Variants in ASIC2 observed in about 807,000 individuals in gnomAD.
ASIC2 encodes the protein acid sensing ion channel subunit 2.
In ASIC2, 25 loss-of-function variants were observed where a neutral mutation model predicts 57.3. That is an observed-to-expected ratio of 0.44 (90% confidence interval 0.32 to 0.61). The LOEUF (loss-of-function observed/expected upper bound fraction) is 0.61. Among genes scored for constraint, ASIC2 ranks in the 20% least tolerant of loss-of-function variants. ASIC2 has a pLI of 0.06. For synonymous variants in ASIC2, 319 were observed against 307.5 expected, an observed-to-expected ratio of 1.04 and a Z score of -0.39; for missense variants, 641 against 738.1, an observed-to-expected ratio of 0.87 and a Z score of 1.52.
chr17:33,932,594 T>G (rs556551195), intron 1 of ASIC2: 1 of 150,814 alleles, frequency 6.6e-6, no homozygotes, highest in Non-Finnish European at 1.5e-5. Flanking sequence ...ATGCCTGTAA[T>G]CTCACCTATT....
chr17:33,608,638 C>A (rs1481652829), intron 1 of ASIC2, among the ~76,000 whole-genome samples: 2 of 152,100 alleles, frequency 1.3e-5, no homozygotes, highest in Non-Finnish European at 2.9e-5. Context: ...ATTCTGTTTA[C>A]TCTCTGGGCA....
At position 34,048,352 on chromosome 17, in the gene ASIC2, C is replaced by T. The variant is rs115397386; in HGVS notation, c.555+107626G>A. Among the ~76,000 whole-genome samples, 1,022 of 152,324 alleles carry T rather than the reference C, an allele frequency of 6.7e-3. 19 individuals are homozygous for T. The highest frequency in any genetic ancestry group is 0.024 in the African/African-American group (980 of 41,580). ...CTTACCAACTTCTTGTACTACATTC[C>T]TCTTGGTGCTTCAGATTCCTTCATT... is the stretch of plus-strand genomic sequence containing the variant. On this transcript the variant is annotated intron_variant, in intron 1 of 9. Transcript: ENST00000359872.
chr17:33,176,160 C>T (rs568029911), intron 1 of ASIC2, among the ~76,000 whole-genome samples: 10 of 152,314 alleles, frequency 6.6e-5, no homozygotes, highest in African/African-American at 1.9e-4. Context: ...CTCTCTAACC[C>T]TTCAGGGCTG....
At chr17:33,390,896 C>T (rs1456468700) in intron 1 of ASIC2, among the ~76,000 whole-genome samples, 2 of 152,160 alleles carry the variant, frequency 1.3e-5, no homozygotes, top group Non-Finnish European at 2.9e-5. Flanking sequence ...CAAGGCTAAC[C>T]CACACTCAAG....
intron 1 of ASIC2, among the ~76,000 whole-genome samples, chr17:33,940,972 GT>G (rs1239615094): frequency 6.6e-6 from 1 of 152,228 alleles, no homozygotes; most frequent in Non-Finnish European, 1.5e-5. Flanking sequence ...AGGCTGAGGT[GT>G]TTAGATTCCA....
chr17:33,295,326 G>A (rs16968229), upstream of ASIC2, among the ~76,000 whole-genome samples: 3,555 of 152,232 alleles, frequency 0.023, 129 homozygotes, highest in African/African-American at 0.081. Context: ...AAAGACACAC[G>A]GGCAGCTAGT....
intron 1 of ASIC2, among the ~76,000 whole-genome samples, chr17:34,023,851 G>T (rs1193349020): frequency 6.6e-6 from 1 of 152,200 alleles, no homozygotes; most frequent in Non-Finnish European, 1.5e-5. Flanking sequence ...CCAAAGACAA[G>T]TTCTTTACTG....
At chr17:33,339,180 C>A (rs1355180765) in intron 1 of ASIC2, among the ~76,000 whole-genome samples, 1 of 152,078 alleles carries the variant, frequency 6.6e-6, no homozygotes, top group East Asian at 1.9e-4. Flanking sequence ...AGGGCTGGAG[C>A]ACAGGGTGTT....
At chr17:33,764,008 T>C (rs985494200) in intron 1 of ASIC2, among the ~76,000 whole-genome samples, 6 of 152,106 alleles carry the variant, frequency 3.9e-5, no homozygotes, top group African/African-American at 1.2e-4. Context: ...GAGTCTTTGA[T>C]TTCGGCCGGG....
chr17:33,698,289 C>T (rs183831260), intron 1 of ASIC2, among the ~76,000 whole-genome samples: 4 of 152,168 alleles, frequency 2.6e-5, no homozygotes, highest in East Asian at 3.9e-4. Context: ...ATGGGGTTTA[C>T]GCATCTCGGT....
intron 1 of ASIC2, among the ~76,000 whole-genome samples, chr17:33,243,723 T>A (rs985004107): frequency 5.3e-5 from 8 of 152,228 alleles, no homozygotes; most frequent in African/African-American, 1.9e-4. Context: ...GATCAAATAC[T>A]CTTCTAGGGC....
At chr17:33,523,465 C>T (rs867910033) in intron 1 of ASIC2, among the ~76,000 whole-genome samples, 4 of 152,084 alleles carry the variant, frequency 2.6e-5, no homozygotes, top group Non-Finnish European at 5.9e-5. Flanking sequence ...CACCATATTG[C>T]CCAGGCTAGT....
intron 1 of ASIC2, among the ~76,000 whole-genome samples, chr17:33,723,686 A>C (rs1408555135): frequency 6.6e-6 from 1 of 152,216 alleles, no homozygotes; most frequent in East Asian, 1.9e-4. Flanking sequence ...CAGAGATTAA[A>C]GTCAGAGTAA....
chr17:33,643,147 TCC>T (rs71144893), intron 1 of ASIC2, among the ~76,000 whole-genome samples: 5 of 149,926 alleles, frequency 3.3e-5, no homozygotes, highest in Admixed American at 1.3e-4. Context: ...CATGCTCATT[TCC>T]CCCCCCCCAC....
intron 1 of ASIC2, among the ~76,000 whole-genome samples, chr17:33,931,852 A>G (rs1915937509): frequency 6.6e-6 from 1 of 152,156 alleles, no homozygotes; most frequent in East Asian, 1.9e-4. Context: ...CTGCATGGGG[A>G]ATGAGCGCTG....
At chr17:33,853,888 T>C (rs894684348) in intron 1 of ASIC2, among the ~76,000 whole-genome samples, 2 of 152,200 alleles carry the variant, frequency 1.3e-5, no homozygotes, top group Admixed American at 6.5e-5. Flanking sequence ...CGCTTAACCT[T>C]GACACCTTAA....
At chr17:33,688,810 A>G (rs1316130014) in intron 1 of ASIC2, 1 of 152,182 alleles carries the variant, frequency 6.6e-6, no homozygotes, top group Non-Finnish European at 1.5e-5. Flanking sequence ...AGAGAAACTG[A>G]GATTCTGGAA....
At position 33,769,269 on chromosome 17, in the gene ASIC2, C is replaced by T. The variant is rs145472297; in HGVS notation, c.555+386709G>A. Among the ~76,000 whole-genome samples, 20 of 152,332 alleles carry T rather than the reference C, an allele frequency of 1.3e-4. No individual in the cohort carries two copies. In the East Asian group the frequency reaches 3.7e-3, roughly 28 times the overall value. ...AACACCCCCTTTGGGGCTTCAGGCT[C>T]ACAGGCACCCTTGCCTGGGCAACAT... On this transcript the variant is annotated intron_variant, in intron 1 of 9. Transcript: ENST00000359872.
chr17:33,354,546 C>A (rs1263866336), intron 1 of ASIC2, among the ~76,000 whole-genome samples: 1 of 152,104 alleles, frequency 6.6e-6, no homozygotes, highest in African/African-American at 2.4e-5. Context: ...GCAGCCCTAC[C>A]CCCATGGCTT....
Sources: gnomAD v4.1 joint callset for allele counts (sites outside exome capture counted in the v4.1 genomes callset) on GRCh38, gnomAD v4.1.1 for gene constraint, MANE v1.5 for transcripts, NCBI Gene and HGNC (gene_info 2026-07-23, HGNC 2026-07-21) for gene names.